The following MROH1 variants were observed in gnomAD, a reference collection of about 807,000 sequenced individuals.
MROH1 encodes the protein maestro heat like repeat family member 1, also known as maestro heat-like repeat-containing protein family member 1.
In MROH1, 117 loss-of-function variants were observed where a neutral mutation model predicts 116.5. The ratio of observed to expected loss-of-function variants is 1.00; its 90% CI spans 0.86 to 1.17. MROH1 has a LOEUF of 1.17. MROH1 is among the 50% of genes most tolerant of loss of function. The pLI is 0.00. For synonymous variants in MROH1, 921 were observed against 583.9 expected (o/e 1.58, Z -8.32); for missense variants, 1,873 against 1,338.5 (o/e 1.40, Z -6.23).
At position 144,259,948 on chromosome 8, in the gene MROH1, T is replaced by TG; in HGVS notation, c.4084dup (p.Asp1362GlyfsTer35). On this transcript the variant is annotated frameshift_variant, in exon 38 of 44. Coordinates refer to ENST00000326134, the MANE Select transcript of MROH1 (RefSeq NM_032450.3). LOFTEE classifies it high-confidence loss of function. ...AACGTGGCCAACGACCTCATGCTCT[T>TG]GGACTCGCTGCTGGAGAGCCTGGCG... The TG allele has an allele frequency of 1.3e-5, 10 of 743,256 alleles. No homozygotes were observed. Among genetic ancestry groups the TG allele is most frequent in the Non-Finnish European group, 2.5e-5 (10 of 400,030 alleles). The allele number at this position is 743,256 out of a possible 1,614,324, so 46.0% of individuals were successfully genotyped here.
intron 1 of MROH1, among the ~76,000 whole-genome samples, chr8:144,154,061 A>G (rs952169881): frequency 0.09 from 12,919 of 142,946 alleles, 1,832 homozygotes; most frequent in African/African-American, 0.31. Context: ...CGTCCACCCT[A>G]TTTTTATTTT....
Position 144,239,626 on chromosome 8 carries a change from A to G in MROH1, c.1645A>G (p.Ser549Gly). Residue 549 changes from serine (S) to glycine (G), a missense_variant, in exon 18 of 44, where the codon AGC (serine) becomes GGC (glycine). Transcript: ENST00000326134. ...TGCCTCTTTTCAGGTTGTGTCTTCC[A>G]GCCCCTACCTAGGGGACGGACGTGG... ...VTGRLLVVSS[S>G]PYLGDGRGAA... 2 of 771,968 alleles carry G rather than the reference A, an allele frequency of 2.6e-6. No individual in the cohort carries two copies. Among genetic ancestry groups the G allele is most frequent in the Middle Eastern group, 2.3e-4 (1 of 4,402 alleles). 47.8% of individuals were successfully genotyped at this position (771,968 alleles called of 1,614,324 possible).
chr8:144,151,286 C>G (rs1816728916), intron 1 of MROH1, among the ~76,000 whole-genome samples: 1 of 143,782 alleles, frequency 7.0e-6, no homozygotes, highest in Non-Finnish European at 1.5e-5. Context: ...CTCCAAGATG[C>G]TAGCAAGGCA....
chr8:144,243,653 G>A (rs1841394837), intron 25 of MROH1, 37 bp downstream of exon 25: 1 of 776,004 alleles, frequency 1.3e-6, no homozygotes, highest in African/African-American at 1.7e-5. Context: ...CCTCAGGCAG[G>A]TTCCTGGGAG....
In MROH1 at chr8:144,168,406, G is replaced by A. The variant is rs773513702; in HGVS notation, c.134G>A (p.Arg45His). The A allele has an allele frequency of 1.1e-4, 176 of 1,611,028 alleles. No homozygotes were observed. Among genetic ancestry groups the A allele is most frequent in the Admixed American group, 7.9e-4 (47 of 59,816 alleles). Residue 45 changes from arginine to histidine, a missense_variant, in exon 4 of 44, where the codon CGT becomes CAT. Coordinates refer to ENST00000326134, the MANE Select transcript of MROH1 (RefSeq NM_032450.3). ...LGEARPVETL[R>H]ACEEYLRQHD... is the part of the protein sequence containing the mutation. ...GAGGCGCGGCCGGTGGAGACGCTCC[G>A]TGCCTGCGAGGAGTATCTGCGGCAG...
chr8:144,250,080 G>A (rs1842605887), intron 32 of MROH1, 132 bp from the exon 33 acceptor site: 6 of 674,478 alleles, frequency 8.9e-6, no homozygotes, highest in Non-Finnish European at 1.4e-5. Flanking sequence ...CCCTACCTCA[G>A]GCTGGAACCA....
chr8:144,198,546 T>G (rs139609099), intron 10 of MROH1, among the ~76,000 whole-genome samples: 142 of 152,210 alleles, frequency 9.3e-4, no homozygotes, highest in African/African-American at 3.3e-3. Context: ...GCCTCCTGAG[T>G]AGCTGGGACC....
chr8:144,196,198 G>T (rs1446312386), intron 10 of MROH1, among the ~76,000 whole-genome samples: 1 of 150,544 alleles, frequency 6.6e-6, no homozygotes, highest in African/African-American at 2.4e-5. Context: ...GCTGAGGCAG[G>T]AGAATTGCTT....
intron 3 of MROH1, among the ~76,000 whole-genome samples, chr8:144,167,126 C>G (rs1821024556): frequency 6.6e-6 from 1 of 152,122 alleles, no homozygotes; most frequent in Non-Finnish European, 1.5e-5. Context: ...GCTGCTGGAG[C>G]AAAAGAGAGG....
At chr8:144,167,473 G>GGGGGA (rs1821206656) in intron 3 of MROH1, among the ~76,000 whole-genome samples, 1 of 143,240 alleles carries the variant, frequency 7.0e-6, no homozygotes, top group Non-Finnish European at 1.5e-5. Context: ...GGCCAGTTGG[G>GGGGGA]GTGGAGTGGC....
At chr8:144,248,645 C>A (rs1351250226) in intron 31 of MROH1, among the ~76,000 whole-genome samples, 1 of 152,224 alleles carries the variant, frequency 6.6e-6, no homozygotes, top group African/African-American at 2.4e-5. Flanking sequence ...GCCCAGGCAC[C>A]ACCTTCCAGG....
intron 10 of MROH1, 68 bp from the exon 11 acceptor site, chr8:144,199,054 T>G: frequency 6.8e-7 from 1 of 1,478,956 alleles, no homozygotes; most frequent in South Asian, 1.2e-5. Context: ...GGCCCAGAAT[T>G]GTCAGAGGGC....
Position 144,249,024 on chromosome 8 carries a change from G to C in MROH1, c.3268G>C (p.Glu1090Gln). The change falls in exon 32 of 44, where the codon GAG becomes CAG. Residue 1090 changes from glutamate to glutamine, a missense_variant. Transcript: ENST00000326134. The stretch of plus-strand genomic sequence containing the variant: ...GCAGGAGCGGGGCGGTGTGCTCCAG[G>C]AGAAGGTGGGAGAGGGCGGGGCGCG... ...LLQERGGVLQ[E>Q]KVPEIVSVLR... 1.4e-6 allele frequency: 1 copy of C among 713,394 alleles called. No homozygotes were observed. Among genetic ancestry groups the C allele is most frequent in the South Asian group, 1.5e-5 (1 of 67,386 alleles). 44.2% of individuals were successfully genotyped at this position (713,394 alleles called of 1,614,324 possible).
chr8:144,166,762 A>AG (rs1396406839), intron 3 of MROH1, among the ~76,000 whole-genome samples: 5 of 151,892 alleles, frequency 3.3e-5, no homozygotes, highest in African/African-American at 7.3e-5. Flanking sequence ...GGGTCGAGGG[A>AG]GGGGGGACTA....
chr8:144,238,875 G>T lies in MROH1; in HGVS notation c.1446+12G>T. On this transcript the variant is annotated intron_variant, in intron 15 of 43. Transcript: ENST00000326134. ...ACAGGATGAGTCACGTGAGTGCACG[G>T]CACCCGTCCCTGCCTGGCGACAACA... The T allele has an allele frequency of 1.3e-6, 1 of 772,018 alleles. No homozygotes were observed. 47.8% of individuals were successfully genotyped at this position (772,018 alleles called of 1,614,324 possible).
At chr8:144,241,189 C>T in intron 21 of MROH1, 78 bp downstream of exon 21, 1 of 709,800 alleles carries the variant, frequency 1.4e-6, no homozygotes. Context: ...TCTGAGGCAG[C>T]TGGCTAGCCT....
chr8:144,199,705 C>T (rs992010328), intron 11 of MROH1, among the ~76,000 whole-genome samples: 3 of 152,184 alleles, frequency 2.0e-5, no homozygotes, highest in African/African-American at 7.2e-5. Flanking sequence ...GAGGAGGGGT[C>T]CTGCTTGCAC....
At position 144,163,876 on chromosome 8, in the gene MROH1, G is replaced by A. The variant is rs964741166; in HGVS notation, c.22+28G>A. On this transcript the variant is annotated intron_variant, in intron 3 of 43. Coordinates refer to ENST00000326134, the MANE Select transcript of MROH1 (RefSeq NM_032450.3). This position sits in a 1 kb window ranked among gnomAD's most constrained non-coding sequence, Gnocchi z 4.4. ...GAGTGCATGGGGATTGGGAGTGGCC[G>A]GGTGTGAGGCCTCTCTTGCCTCTGG... is the stretch of plus-strand genomic sequence containing the variant. 3.2e-5 allele frequency: 51 copies of A among 1,612,840 alleles called. No individual in the cohort carries two copies. The highest frequency in any genetic ancestry group is 6.6e-5 in the South Asian group (6 of 91,016).
intron 3 of MROH1, among the ~76,000 whole-genome samples, chr8:144,165,735 G>A (rs988871674): frequency 2.1e-4 from 31 of 147,306 alleles, no homozygotes; most frequent in Admixed American, 1.4e-3. Flanking sequence ...CCACTACGCC[G>A]TAATTTTTGT....
Sources: gnomAD v4.1 joint callset for allele counts (sites outside exome capture counted in the v4.1 genomes callset) on GRCh38, gnomAD v4.1.1 for gene constraint, Gnocchi (gnomAD v3.1) non-coding constraint, MANE v1.5 for transcripts, NCBI Gene and HGNC (gene_info 2026-07-23, HGNC 2026-07-21) for gene names.